Variants in HYAL4 observed in about 807,000 individuals in gnomAD.
The protein encoded by HYAL4 is hyaluronidase 4.
HYAL4 carries 37 observed loss-of-function variants against 35.2 expected under a neutral mutation model. The observed-to-expected ratio is 1.05, with a 90% CI of 0.81 to 1.38. The LOEUF (loss-of-function observed/expected upper bound fraction) is 1.38. Among genes scored for constraint, HYAL4 ranks in the 40% most tolerant of loss-of-function variants. The pLI, the probability that HYAL4 is intolerant of heterozygous loss-of-function variation, is 0.00. For synonymous variants in HYAL4, 198 were observed against 203.2 expected, an observed-to-expected ratio of 0.97 and a Z score of 0.22; for missense variants, 572 against 572.4, an observed-to-expected ratio of 1.00 and a Z score of 0.01.
chr7:123,790,442 T>C, the HYAL4 span, among the ~76,000 whole-genome samples: 1 of 152,170 alleles, frequency 6.6e-6, no homozygotes. Context: ...AGATTCATTA[T>C]CTAGTGTTCT....
chr7:123,849,451 C>T (rs533016044), intron 2 of HYAL4, among the ~76,000 whole-genome samples: 1 of 151,984 alleles, frequency 6.6e-6, no homozygotes, highest in East Asian at 1.9e-4. Context: ...CAGGCACCCA[C>T]CACCACGTCT....
chr7:123,850,258 T>C (rs541438712), intron 2 of HYAL4, among the ~76,000 whole-genome samples: 2 of 152,318 alleles, frequency 1.3e-5, no homozygotes, highest in East Asian at 3.9e-4. Context: ...GTTGCTGTTG[T>C]TGAGACAGGG....
At chr7:123,776,781 G>A in the HYAL4 span, among the ~76,000 whole-genome samples, 4 of 152,086 alleles carry the variant, frequency 2.6e-5, no homozygotes, top group African/African-American at 7.2e-5. Flanking sequence ...ACATTTTGGG[G>A]CAGCACACAC....
the HYAL4 span, chr7:123,819,288 C>T: frequency 7.2e-5 from 11 of 152,530 alleles, no homozygotes; most frequent in Admixed American, 7.2e-4. Context: ...ATTGCATTAT[C>T]ACTGACAAAA....
chr7:123,772,212 G>A, the HYAL4 span, among the ~76,000 whole-genome samples: 1 of 152,076 alleles, frequency 6.6e-6, no homozygotes, highest in African/African-American at 2.4e-5. Flanking sequence ...GAAGTTCAAA[G>A]CTCCAATATG....
chr7:123,859,345 A>G (rs1372768326), intron 2 of HYAL4, among the ~76,000 whole-genome samples: 3 of 152,216 alleles, frequency 2.0e-5, no homozygotes, highest in African/African-American at 7.2e-5. Context: ...CTAGTATTAA[A>G]TAATTCACCG....
At position 123,857,685 on chromosome 7, in the gene HYAL4, C is replaced by CTTTGTTTGTTTGTTTG. The variant is rs1369815480; in HGVS notation, c.-52+9530_-52+9531insGTTTGTTTGTTTGTTT. On this transcript the variant is annotated intron_variant, in intron 2 of 4. Transcript: ENST00000223026. ...TCTTTGTTTGTTTCTTTCTTTCTTT[C>CTTTGTTTGTTTGTTTG]TTTCTTTCTTTCTTTCTTTCTTTCT... 5.3e-4 allele frequency among the ~76,000 whole-genome samples: 74 copies of CTTTGTTTGTTTGTTTG among 139,232 alleles called. 1 individual carries two copies. Among genetic ancestry groups the CTTTGTTTGTTTGTTTG allele is most frequent in the Admixed American group, 8.6e-4 (12 of 13,988 alleles). 91.3% of individuals were successfully genotyped at this position (139,232 alleles called of 152,430 possible).
the HYAL4 span, among the ~76,000 whole-genome samples, chr7:123,791,184 G>A: frequency 6.6e-6 from 1 of 152,174 alleles, no homozygotes; most frequent in African/African-American, 2.4e-5. Flanking sequence ...TTCACAGCAT[G>A]TAGAATGGTG....
At chr7:123,847,371 G>C (rs1806196620) in intron 1 of HYAL4, among the ~76,000 whole-genome samples, 1 of 152,012 alleles carries the variant, frequency 6.6e-6, no homozygotes, top group South Asian at 2.1e-4. Context: ...TCACCATCTT[G>C]AGCCATTAGT....
chr7:123,827,346 T>C (rs970180928), upstream of HYAL4, among the ~76,000 whole-genome samples: 7 of 152,134 alleles, frequency 4.6e-5, no homozygotes, highest in African/African-American at 1.7e-4. Flanking sequence ...GAACAGGGAA[T>C]GCCCAAGTTG....
chr7:123,791,805 A>G, the HYAL4 span, among the ~76,000 whole-genome samples: 1 of 152,178 alleles, frequency 6.6e-6, no homozygotes, highest in African/African-American at 2.4e-5. Flanking sequence ...CTTAGTCACA[A>G]ATGTCTTAAA....
At chr7:123,867,853 TAA>T (rs543658968) in intron 2 of HYAL4, among the ~76,000 whole-genome samples, 2 of 152,036 alleles carry the variant, frequency 1.3e-5, no homozygotes, top group African/African-American at 4.8e-5. Flanking sequence ...ATTACAAGTT[TAA>T]AAAAAATATT....
chr7:123,800,112 G>A, the HYAL4 span, among the ~76,000 whole-genome samples: 1 of 151,126 alleles, frequency 6.6e-6, no homozygotes, highest in Non-Finnish European at 1.5e-5. Flanking sequence ...GCAGTGAGCC[G>A]AGATCGCGCC....
the HYAL4 span, among the ~76,000 whole-genome samples, chr7:123,764,101 G>A: frequency 1.8e-4 from 28 of 152,134 alleles, no homozygotes; most frequent in African/African-American, 6.3e-4. Flanking sequence ...TCCTACCTCA[G>A]GCTACTGAGT....
At chr7:123,871,484 G>T (rs575294483) in intron 3 of HYAL4, among the ~76,000 whole-genome samples, 10 of 152,164 alleles carry the variant, frequency 6.6e-5, no homozygotes, top group Non-Finnish European at 1.5e-4. Context: ...GAGCCACTGC[G>T]CCCGGCCCCG....
the HYAL4 span, among the ~76,000 whole-genome samples, chr7:123,770,414 C>A: frequency 6.8e-6 from 1 of 147,986 alleles, no homozygotes. Flanking sequence ...TGCACTCAAG[C>A]CTGGGCGGCA....
intron 3 of HYAL4, among the ~76,000 whole-genome samples, chr7:123,874,114 A>G (rs1235137865): frequency 6.6e-6 from 1 of 152,204 alleles, no homozygotes; most frequent in Non-Finnish European, 1.5e-5. Flanking sequence ...GGGCACATAC[A>G]TATGACCTGG....
intron 2 of HYAL4, among the ~76,000 whole-genome samples, chr7:123,859,429 C>T (rs988187650): frequency 2.0e-5 from 3 of 152,030 alleles, no homozygotes; most frequent in African/African-American, 4.8e-5. Flanking sequence ...GTGTTCCTAC[C>T]GAACACCTCC....
intron 2 of HYAL4, among the ~76,000 whole-genome samples, chr7:123,857,673 C>CTTCCTTTG (rs1562999465): frequency 0.011 from 685 of 60,934 alleles, 7 homozygotes; most frequent in East Asian, 0.019. Context: ...TTGTTTGTTT[C>CTTCCTTTG]TTTCTTTCTT....
Sources: allele counts gnomAD v4.1 joint callset (sites outside exome capture counted in the v4.1 genomes callset), GRCh38; gene constraint gnomAD v4.1.1; transcripts MANE v1.5; gene names NCBI Gene and HGNC (gene_info 2026-07-23, HGNC 2026-07-21).